Variants in CFAP46 observed in about 807,000 individuals in gnomAD.
CFAP46 encodes the protein cilia and flagella associated protein 46.
Under a neutral mutation model 325.7 loss-of-function variants are expected in CFAP46, and 245 were observed. The ratio of observed to expected loss-of-function variants is 0.75; its 90% confidence interval spans 0.68 to 0.84. The LOEUF (loss-of-function observed/expected upper bound fraction) is 0.84, where lower values mean the gene tolerates loss of function less well. Ranked by LOEUF, CFAP46 falls within the 40% of genes least tolerant of loss-of-function variation. The probability of loss-of-function intolerance (pLI) is 0.00; values close to 1 mark genes in which losing one functional copy is unlikely to be tolerated. For missense variants in CFAP46, 3,346 were observed against 3,543.0 expected (o/e 0.94, Z 1.41); for synonymous variants, 1,523 against 1,495.9 (o/e 1.02, Z -0.42).
At chr10:132,860,573 T>G (rs1450760808) in intron 36 of CFAP46, 50 bp from the exon 37 acceptor site, 7 of 1,393,770 alleles carry the variant, frequency 5.0e-6, no homozygotes, top group Non-Finnish European at 6.0e-6. Context: ...CAGGCAGGCA[T>G]GGATACAGGC....
At chr10:132,881,372 G>A (rs915385599) in intron 27 of CFAP46, among the ~76,000 whole-genome samples, 24 of 152,182 alleles carry the variant, frequency 1.6e-4, no homozygotes, top group African/African-American at 5.8e-4. Flanking sequence ...GGGTCCTGCT[G>A]TCGCTCTGTC....
Position 132,808,891 on chromosome 10 carries a change from C to A in CFAP46, c.7678G>T (p.Asp2560Tyr). 6.3e-7 allele frequency: 1 copy of A among 1,590,110 alleles called. No homozygotes were observed. Among genetic ancestry groups the A allele is most frequent in the Non-Finnish European group, 8.6e-7 (1 of 1,163,722 alleles). ...GCAGCAGCAGCTTGTCCTTCAAGGT[C>A]TGAGAAGCCTCGTCTGTGGAGAAAG... ...RGGEPRRGFS[D>Y]LEGQAAAAPK... The change falls in exon 58 of 58, where the codon GAC becomes TAC. Residue 2560 changes from aspartate to tyrosine, a missense_variant. By Grantham distance (160) the Asp-to-Tyr change is radical. Transcript: ENST00000368586. This position sits in a 1 kb window ranked among gnomAD's most constrained non-coding sequence, Gnocchi z 6.8.
At chr10:132,913,780 G>A (rs1362749454) in intron 17 of CFAP46, among the ~76,000 whole-genome samples, 2 of 152,014 alleles carry the variant, frequency 1.3e-5, no homozygotes, top group Non-Finnish European at 2.9e-5. Context: ...CCTGGGCTCA[G>A]AAAGGGGCTC....
At chr10:132,925,679 G>A (rs749574306) in intron 10 of CFAP46, among the ~76,000 whole-genome samples, 7 of 152,274 alleles carry the variant, frequency 4.6e-5, no homozygotes, top group Non-Finnish European at 8.8e-5. Context: ...AAAACCTCCC[G>A]CGAGAAGCTC....
chr10:132,924,509 A>G (rs909742272), intron 11 of CFAP46, among the ~76,000 whole-genome samples, 187 bp downstream of exon 11: 2 of 152,214 alleles, frequency 1.3e-5, no homozygotes, highest in African/African-American at 4.8e-5. Flanking sequence ...GGCGCCGCCA[A>G]TGCACCACAG....
chr10:132,883,453 A>T (rs1849076452), intron 27 of CFAP46, among the ~76,000 whole-genome samples: 1 of 152,260 alleles, frequency 6.6e-6, no homozygotes. Flanking sequence ...GCACAGCTAG[A>T]ATAGTCAGAC....
chr10:132,839,460 C>T (rs1346292773), intron 44 of CFAP46, among the ~76,000 whole-genome samples: 1 of 152,266 alleles, frequency 6.6e-6, no homozygotes, highest in Admixed American at 6.5e-5. Flanking sequence ...TCTCGGCCCA[C>T]ACACACGGAA....
Position 132,889,740 on chromosome 10 carries a change from G to A in CFAP46, c.3304+2593C>T, listed in dbSNP as rs1264008608. On this transcript the variant is annotated intron_variant, in intron 25 of 57. Transcript: ENST00000368586. This position sits in a 1 kb window ranked among gnomAD's most constrained non-coding sequence, Gnocchi z 6.0. ...GACCGTCTCCTCCTCCCCGGAGGCC[G>A]TCAGCTCCATGGTGCCTCCGGGTGG... Among the ~76,000 whole-genome samples the A allele has an allele frequency of 1.3e-5, 2 of 152,138 alleles. No homozygotes were observed. Among genetic ancestry groups the A allele is most frequent in the African/African-American group, 2.4e-5 (1 of 41,432 alleles).
At chr10:132,926,519 G>A (rs558249108) in intron 10 of CFAP46, 49 bp downstream of exon 10, 2 of 1,368,178 alleles carry the variant, frequency 1.5e-6, no homozygotes, top group South Asian at 2.5e-5. Context: ...CCAAGCTCCA[G>A]GAATCTGCAA....
At chr10:132,833,153 C>T (rs1036390506) in intron 50 of CFAP46, among the ~76,000 whole-genome samples, 3 of 151,536 alleles carry the variant, frequency 2.0e-5, no homozygotes, top group Non-Finnish European at 4.4e-5. Flanking sequence ...TTTAAACTTT[C>T]TTGTAGAGAT....
At chr10:132,839,613 A>G (rs891027186) in intron 44 of CFAP46, among the ~76,000 whole-genome samples, 31 of 152,206 alleles carry the variant, frequency 2.0e-4, no homozygotes, top group Non-Finnish European at 1.3e-4. Context: ...AAAACTTTTC[A>G]ATACTGTACC....
chr10:132,837,200 C>T (rs1848266285), intron 44 of CFAP46: 1 of 434,340 alleles, frequency 2.3e-6, no homozygotes, highest in South Asian at 2.9e-5. Context: ...AGTGCATGTT[C>T]ACCAAACCCA....
Position 132,836,153 on chromosome 10 carries a change from T to C in CFAP46, c.6602A>G (p.Gln2201Arg), listed in dbSNP as rs1462781673. ...GCAGCCCTGCTCACCTCCCACCGCC[T>C]GCACCTTTCCTTTGGCTGCAGTAAT... Reference protein sequence around the residue: ...KFITAAKGKVQAVGGSCKVMR... With the variant: ...KFITAAKGKVRAVGGSCKVMR... Residue 2201 changes from glutamine (Q) to arginine (R), a missense_variant, in exon 46 of 58, where the codon CAG becomes CGG. Gln to Arg is a conservative substitution (Grantham distance 43). Coordinates refer to ENST00000368586, the MANE Select transcript of CFAP46 (RefSeq NM_001200049.3). 6.3e-7 allele frequency: 1 copy of C among 1,586,858 alleles called. No homozygotes were observed.
rs1398082509 is a variant in CFAP46, at chr10:132,939,721, A to T, written c.372-968T>A. 6.6e-6 allele frequency among the ~76,000 whole-genome samples: 1 copy of T among 152,084 alleles called. No homozygotes were observed. Among genetic ancestry groups the T allele is most frequent in the African/African-American group, 2.4e-5 (1 of 41,384 alleles). ...GCCTGCTTGAGTCAGAGGGGTCATC[A>T]TGGGACTCCAGCGGCCTGCTGCGTC... On this transcript the variant is annotated intron_variant, in intron 4 of 57. Coordinates refer to ENST00000368586, the MANE Select transcript of CFAP46 (RefSeq NM_001200049.3). The surrounding 1 kb of genome is among the most constrained non-coding windows in gnomAD (Gnocchi z 4.6).
Position 132,878,104 on chromosome 10 carries a change from C to G in CFAP46, c.4006-17G>C. Reference sequence around the variant, plus strand: ...CAAAGAAACCTGGTGGGGATGAAATCCACATTTGCAGCACTGAAAACCCAC... The same window carrying G: ...CAAAGAAACCTGGTGGGGATGAAATGCACATTTGCAGCACTGAAAACCCAC... On this transcript the variant is annotated splice_polypyrimidine_tract_variant and intron_variant, in intron 29 of 57. Transcript: ENST00000368586. The G allele has an allele frequency of 1.3e-6, 2 of 1,549,118 alleles. No individual in the cohort carries two copies. The highest frequency in any genetic ancestry group is 3.4e-4 in the Middle Eastern group (2 of 5,970).
chr10:132,922,314 G>A, intron 12 of CFAP46, 90 bp from the exon 13 acceptor site: 1 of 1,488,758 alleles, frequency 6.7e-7, no homozygotes, highest in Non-Finnish European at 9.0e-7. Context: ...CTTTGGCAGG[G>A]GCCTGTGTGG....
At position 132,912,637 on chromosome 10, in the gene CFAP46, G is replaced by T; in HGVS notation, c.2499+18C>A. ...TCTCTCTCTCTCTCTCTCTCTCTCG[G>T]CATCATGGAGGTGGTACCTCCACCG... On this transcript the variant is annotated intron_variant, in intron 19 of 57. Coordinates refer to ENST00000368586, the MANE Select transcript of CFAP46 (RefSeq NM_001200049.3). 1 of 1,446,460 alleles carries T rather than the reference G, an allele frequency of 6.9e-7. No individual in the cohort carries two copies. The allele number at this position is 1,446,460 out of a possible 1,614,324, so 89.6% of individuals were successfully genotyped here. A position where few individuals can be genotyped will look rare whatever the true frequency, so the allele number is the denominator to read the frequency against.
chr10:132,850,955 T>G (rs2135140697), intron 40 of CFAP46, among the ~76,000 whole-genome samples, 162 bp downstream of exon 40: 1 of 152,258 alleles, frequency 6.6e-6, no homozygotes, highest in Non-Finnish European at 1.5e-5. Context: ...CCTCAAATGG[T>G]GAGACAATGC....
At position 132,860,991 on chromosome 10, in the gene CFAP46, G is replaced by C; in HGVS notation, c.4891-9C>G. 3 of 1,550,408 alleles carry C rather than the reference G, an allele frequency of 1.9e-6. No individual in the cohort carries two copies. Among genetic ancestry groups the C allele is most frequent in the South Asian group, 1.2e-5 (1 of 84,044 alleles). On this transcript the variant is annotated splice_polypyrimidine_tract_variant and intron_variant, in intron 35 of 57. Transcript: ENST00000368586. ...CAAGGCTCATCCAGCTCCTGAAGGA[G>C]AGAAACTCAGACATGCTTGGGTTCC...
Sources: gnomAD v4.1 joint callset for allele counts (sites outside exome capture counted in the v4.1 genomes callset) on GRCh38, gnomAD v4.1.1 for gene constraint, Gnocchi (gnomAD v3.1) non-coding constraint, MANE v1.5 for transcripts, NCBI Gene and HGNC (gene_info 2026-07-23, HGNC 2026-07-21) for gene names.